Variants in ZMYND11 observed in about 807,000 individuals in gnomAD.
ZMYND11 encodes the protein zinc finger MYND-type containing 11.
In ZMYND11, 9 loss-of-function variants were observed where a neutral mutation model predicts 84.9. The ratio of observed to expected loss-of-function variants is 0.11; its 90% CI spans 0.06 to 0.18. The LOEUF is 0.18. Ranked by LOEUF, ZMYND11 falls within the 10% of genes least tolerant of loss-of-function variation. The pLI is 1.00. For missense variants in ZMYND11, 409 were observed against 761.0 expected (o/e 0.54, Z 5.44); for synonymous variants, 250 against 244.1 (o/e 1.02, Z -0.23).
At chr10:243,291 AT>A (rs1424960328) in intron 10 of ZMYND11, among the ~76,000 whole-genome samples, 27 of 152,224 alleles carry the variant, frequency 1.8e-4, no homozygotes, top group Non-Finnish European at 3.7e-4. Context: ...GTCAGCTTTT[AT>A]AATACAACAG....
chr10:238,746 G>GTAAA (rs1034916340), intron 6 of ZMYND11, among the ~76,000 whole-genome samples: 1 of 152,072 alleles, frequency 6.6e-6, no homozygotes, highest in Non-Finnish European at 1.5e-5. Context: ...AAAGTAACTG[G>GTAAA]TAAATCCTGG....
At chr10:238,581 C>T (rs775097780) in intron 6 of ZMYND11, among the ~76,000 whole-genome samples, 8 of 152,176 alleles carry the variant, frequency 5.3e-5, no homozygotes, top group Non-Finnish European at 1.0e-4. Context: ...TGGTCTCGAT[C>T]TCCTGACCTC....
chr10:162,134 G>C (rs1843066463), intron 1 of ZMYND11, among the ~76,000 whole-genome samples: 1 of 152,152 alleles, frequency 6.6e-6, no homozygotes, highest in African/African-American at 2.4e-5. Context: ...TTTCATTATT[G>C]TTGTGTCTCA....
intron 6 of ZMYND11, 29 bp downstream of exon 6, chr10:237,706 C>G (rs1950213488): frequency 6.5e-7 from 1 of 1,538,990 alleles, no homozygotes; most frequent in Non-Finnish European, 8.9e-7. Context: ...ATTTCCACTT[C>G]AAGTACATTT....
chr10:246,557 A>G (rs1436588127), intron 10 of ZMYND11, among the ~76,000 whole-genome samples: 2 of 152,140 alleles, frequency 1.3e-5, no homozygotes, highest in Non-Finnish European at 2.9e-5. Context: ...GTAACAGTTT[A>G]TTTATTCAAG....
In ZMYND11 at chr10:248,965, G is replaced by C; in HGVS notation, c.1563G>C (p.Gln521His). The C allele has an allele frequency of 6.2e-7, 1 of 1,614,228 alleles. No homozygotes were observed. The highest frequency in any genetic ancestry group is 8.5e-7 in the Non-Finnish European group (1 of 1,180,048). The change falls in exon 14 of 15, where the codon CAG becomes CAC. Residue 521 changes from glutamine to histidine, a missense_variant. Around this residue, in one of 7 missense-constraint regions of ZMYND11, gnomAD observed 141 missense variants for 173.8 expected, o/e 0.81. Coordinates refer to ENST00000381604, the MANE Select transcript of ZMYND11 (RefSeq NM_001370100.5). ...QAVNKAVANM[Q>H]GEMDRKCKQV... ...TAAATAAAGCTGTAGCCAACATGCA[G>C]GGTGAGATGGACAGAAAATGTAAGC...
At chr10:214,434 G>A (rs2131331604) in intron 3 of ZMYND11, among the ~76,000 whole-genome samples, 1 of 152,194 alleles carries the variant, frequency 6.6e-6, no homozygotes, top group South Asian at 2.1e-4. Context: ...AGCAAGACTT[G>A]TCTCTTAAGA....
At position 227,344 on chromosome 10, in the gene ZMYND11, G is replaced by T. The variant is rs2131527019; in HGVS notation, c.438+5988G>T. Among the ~76,000 whole-genome samples, 2 of 152,224 alleles carry T rather than the reference G, an allele frequency of 1.3e-5. 1 individual carries two copies. Among genetic ancestry groups the T allele is most frequent in the Admixed American group, 1.3e-4 (2 of 15,282 alleles). ...GCAGGAAAGTTAAGACTTTAAAAAT[G>T]GACTCAGGAGTCTATAGAAAGCATT... is the stretch of plus-strand genomic sequence containing the variant. On this transcript the variant is annotated intron_variant, in intron 4 of 14. Transcript: ENST00000381604.
chr10:156,749 T>C (rs1554759251), intron 1 of ZMYND11, among the ~76,000 whole-genome samples: 2 of 152,210 alleles, frequency 1.3e-5, no homozygotes, highest in African/African-American at 4.8e-5. Context: ...GAGTGGAGAA[T>C]TTCAGGTTGT....
At chr10:163,462 T>A (rs1244825012) in intron 1 of ZMYND11, among the ~76,000 whole-genome samples, 4 of 152,266 alleles carry the variant, frequency 2.6e-5, no homozygotes, top group African/African-American at 9.6e-5. Flanking sequence ...ATTTTTTTGT[T>A]CTACTTTTTG....
intron 1 of ZMYND11, among the ~76,000 whole-genome samples, chr10:139,631 C>T (rs1165611005): frequency 6.7e-6 from 1 of 150,248 alleles, no homozygotes; most frequent in African/African-American, 2.4e-5. Context: ...CATGTATTGT[C>T]TGTCTACTGT....
intron 4 of ZMYND11, among the ~76,000 whole-genome samples, chr10:236,203 C>CTTGT (rs1459306500): frequency 6.6e-6 from 1 of 152,194 alleles, no homozygotes; most frequent in African/African-American, 2.4e-5. Context: ...CACACTTGTC[C>CTTGT]TTGTTTCCTA....
intron 1 of ZMYND11, among the ~76,000 whole-genome samples, chr10:179,065 A>G (rs1847277325): frequency 6.6e-6 from 1 of 152,200 alleles, no homozygotes; most frequent in African/African-American, 2.4e-5. Context: ...TGTATATTTA[A>G]GAACCTAGAT....
At chr10:133,986 G>T (rs894384624), upstream of ZMYND11, among the ~76,000 whole-genome samples, 17 of 152,112 alleles carry the variant, frequency 1.1e-4, no homozygotes, top group African/African-American at 4.1e-4. Flanking sequence ...TGTAGAAGCA[G>T]ATTGATATAT....
intron 1 of ZMYND11, among the ~76,000 whole-genome samples, chr10:179,136 T>C (rs1352696225): frequency 1.3e-5 from 2 of 152,188 alleles, no homozygotes; most frequent in Non-Finnish European, 2.9e-5. Context: ...TCCCCAATGC[T>C]AGGATTCATG....
At chr10:130,548 T>C (rs191965924), upstream of ZMYND11, among the ~76,000 whole-genome samples, 86 of 152,368 alleles carry the variant, frequency 5.6e-4, 1 homozygote, top group Non-Finnish European at 9.0e-4. Flanking sequence ...ATGCATTTTC[T>C]CATTTAATCC....
intron 1 of ZMYND11, among the ~76,000 whole-genome samples, chr10:178,007 A>G (rs545550755): frequency 6.6e-6 from 1 of 152,260 alleles, no homozygotes; most frequent in African/African-American, 2.4e-5. Flanking sequence ...TAAACTGCCA[A>G]TTATCTTTTA....
Position 248,423 on chromosome 10 carries a change from C to G in ZMYND11, c.1315C>G (p.Gln439Glu). The change falls in exon 13 of 15, where the codon CAG becomes GAG. Residue 439 changes from glutamine (Q) to glutamate (E), a missense_variant. Physicochemically the swap from Gln to Glu is conservative, Grantham distance 29. Coordinates refer to ENST00000381604, the MANE Select transcript of ZMYND11 (RefSeq NM_001370100.5). ...QPIEKVSVSTQTKKLSASSPR... is the reference protein window; with the variant it reads ...QPIEKVSVSTETKKLSASSPR... The stretch of plus-strand genomic sequence containing the variant: ...CATCGAAAAAGTCTCCGTGTCAACT[C>G]AGACAAAGAAGTTAAGTGCCTCTTC... 1 of 1,614,192 alleles carries G rather than the reference C, an allele frequency of 6.2e-7. No individual in the cohort carries two copies. Among genetic ancestry groups the G allele is most frequent in the Non-Finnish European group, 8.5e-7 (1 of 1,180,026 alleles).
intron 8 of ZMYND11, 136 bp from the exon 9 acceptor site, chr10:240,757 T>G: frequency 4.3e-6 from 3 of 689,966 alleles, no homozygotes; most frequent in Non-Finnish European, 7.1e-6. Context: ...AACTTTAAAA[T>G]TTAGGCTTAA....
Sources: allele counts gnomAD v4.1 joint callset (sites outside exome capture counted in the v4.1 genomes callset), GRCh38; gene constraint gnomAD v4.1.1; regional missense constraint gnomAD v4.1.1; transcripts MANE v1.5; gene names NCBI Gene and HGNC (gene_info 2026-07-23, HGNC 2026-07-21).